Variants in HDAC9 observed in about 807,000 individuals in gnomAD.
HDAC9 encodes histone deacetylase 9.
HDAC9 carries 41 observed loss-of-function variants against 139.4 expected under a neutral mutation model. The observed-to-expected ratio is 0.29, with a 90% CI of 0.23 to 0.38. The LOEUF (loss-of-function observed/expected upper bound fraction) is 0.38. HDAC9 is among the 10% of genes least tolerant of loss of function. The pLI is 1.00. For synonymous variants in HDAC9, 517 were observed against 476.2 expected (o/e 1.09, Z -1.12); for missense variants, 1,147 against 1,297.0 (o/e 0.88, Z 1.78).
chr7:18,398,701 T>A (rs1787274188), intron 1 of HDAC9, among the ~76,000 whole-genome samples: 1 of 152,164 alleles, frequency 6.6e-6, no homozygotes, highest in South Asian at 2.1e-4. Flanking sequence ...AAACTAAGTT[T>A]AGCCAATTCT....
At chr7:18,856,344 C>A (rs1001174853) in intron 21 of HDAC9, among the ~76,000 whole-genome samples, 1 of 151,766 alleles carries the variant, frequency 6.6e-6, no homozygotes, top group Non-Finnish European at 1.5e-5. Context: ...AAATCAAACC[C>A]CTAAAGTAAG....
intron 1 of HDAC9, among the ~76,000 whole-genome samples, chr7:18,113,385 C>T (rs1378608409): frequency 1.3e-5 from 2 of 152,094 alleles, no homozygotes; most frequent in Admixed American, 6.5e-5. Flanking sequence ...AATTTGAAGG[C>T]GCCTCATTGC....
At chr7:18,922,273 CAA>C (rs1312301305) in intron 22 of HDAC9, among the ~76,000 whole-genome samples, 1 of 151,976 alleles carries the variant, frequency 6.6e-6, no homozygotes, top group African/African-American at 2.4e-5. Context: ...GCTTTTATAA[CAA>C]GACACTGTGC....
At chr7:18,172,029 C>T (rs1288019908) in intron 2 of HDAC9, among the ~76,000 whole-genome samples, 1 of 152,110 alleles carries the variant, frequency 6.6e-6, no homozygotes, top group Non-Finnish European at 1.5e-5. Flanking sequence ...GTACCAGTTC[C>T]TCTTTGTACT....
intron 7 of HDAC9, among the ~76,000 whole-genome samples, chr7:18,632,857 T>C (rs1368347672): frequency 6.6e-6 from 1 of 151,886 alleles, no homozygotes; most frequent in Non-Finnish European, 1.5e-5. Context: ...AAAGATCACA[T>C]TAAAAGGGCC....
chr7:18,217,412 T>A (rs1309452798), intron 2 of HDAC9, among the ~76,000 whole-genome samples: 1 of 152,208 alleles, frequency 6.6e-6, no homozygotes, highest in Non-Finnish European at 1.5e-5. Flanking sequence ...TTATCTTTAT[T>A]ATTTTTTCCT....
At chr7:18,407,894 A>C (rs1004830695) in intron 1 of HDAC9, among the ~76,000 whole-genome samples, 10 of 152,302 alleles carry the variant, frequency 6.6e-5, no homozygotes, top group African/African-American at 2.4e-4. Flanking sequence ...ATTTGATCCT[A>C]AATTATTTTT....
At chr7:18,949,689 C>T (rs1782657177) in intron 23 of HDAC9, 1 of 153,080 alleles carries the variant, frequency 6.5e-6, no homozygotes, top group African/African-American at 2.4e-5. Context: ...TATTTGTCAG[C>T]TTTAGTTCAC....
intron 21 of HDAC9, among the ~76,000 whole-genome samples, chr7:18,859,468 G>C (rs1373820783): frequency 2.0e-5 from 3 of 151,454 alleles, no homozygotes; most frequent in Admixed American, 2.0e-4. Flanking sequence ...GTCTCTTTCT[G>C]GCTATGCCTC....
chr7:18,279,893 A>C (rs185013982), intron 2 of HDAC9, among the ~76,000 whole-genome samples: 1 of 152,096 alleles, frequency 6.6e-6, no homozygotes, highest in Non-Finnish European at 1.5e-5. Context: ...TTATGATGTA[A>C]TTTTTCATTT....
intron 7 of HDAC9, among the ~76,000 whole-genome samples, chr7:18,633,500 A>G (rs1483567302): frequency 1.3e-5 from 2 of 152,068 alleles, no homozygotes; most frequent in Non-Finnish European, 2.9e-5. Context: ...GATCATGGGT[A>G]AGACTAAATG....
intron 17 of HDAC9, among the ~76,000 whole-genome samples, chr7:18,824,233 C>T (rs1333825058): frequency 6.6e-6 from 1 of 152,152 alleles, no homozygotes; most frequent in South Asian, 2.1e-4. Context: ...ACAAACCCTG[C>T]TGGAGCTGAT....
chr7:18,700,990 C>G (rs1464367193), intron 12 of HDAC9, among the ~76,000 whole-genome samples: 2 of 152,170 alleles, frequency 1.3e-5, no homozygotes, highest in African/African-American at 2.4e-5. Context: ...GGTACCTGTA[C>G]TGCTACCTTT....
intron 12 of HDAC9, among the ~76,000 whole-genome samples, chr7:18,678,637 A>G (rs1781683905): frequency 6.6e-6 from 1 of 151,912 alleles, no homozygotes; most frequent in Non-Finnish European, 1.5e-5. Flanking sequence ...ATCTAGAAAT[A>G]TAGATATGTT....
At chr7:18,977,073 T>C (rs545724944) in intron 25 of HDAC9, among the ~76,000 whole-genome samples, 1 of 152,358 alleles carries the variant, frequency 6.6e-6, no homozygotes, top group Admixed American at 6.5e-5. Context: ...TGCAATTATT[T>C]TCTCTTACCA....
chr7:18,094,881 A>T (rs1458282720), intron 1 of HDAC9, among the ~76,000 whole-genome samples: 1 of 152,202 alleles, frequency 6.6e-6, no homozygotes, highest in African/African-American at 2.4e-5. Flanking sequence ...GCCTGAGAGA[A>T]TACATCGACG....
intron 1 of HDAC9, among the ~76,000 whole-genome samples, chr7:18,316,014 G>A (rs1379358147): frequency 4.6e-5 from 7 of 152,220 alleles, no homozygotes; most frequent in Admixed American, 4.6e-4. Context: ...AGCTCATAGG[G>A]TGGTTGTGAG....
chr7:18,441,986 G>A (rs1054565226), intron 1 of HDAC9, among the ~76,000 whole-genome samples: 4 of 152,052 alleles, frequency 2.6e-5, no homozygotes, highest in Admixed American at 6.6e-5. Context: ...TTGCCAGGAT[G>A]GTCTCGATCT....
intron 2 of HDAC9, among the ~76,000 whole-genome samples, chr7:18,559,181 T>C (rs1397408132): frequency 2.6e-5 from 4 of 152,224 alleles, no homozygotes; most frequent in Non-Finnish European, 5.9e-5. Flanking sequence ...GAATATTCCT[T>C]CTGAATTCCA....
Sources: gnomAD v4.1 joint callset for allele counts (sites outside exome capture counted in the v4.1 genomes callset) on GRCh38, gnomAD v4.1.1 for gene constraint, MANE v1.5 for transcripts, NCBI Gene and HGNC (gene_info 2026-07-23, HGNC 2026-07-21) for gene names.